LIMCH1: variants seen among roughly 807,000 people sequenced by gnomAD.
The protein encoded by LIMCH1 is LIM and calponin homology domains 1.
In LIMCH1, 113 loss-of-function variants were observed where a neutral mutation model predicts 176.5. The ratio of observed to expected loss-of-function variants is 0.64; its 90% CI spans 0.55 to 0.75. The LOEUF is 0.75. Ranked by LOEUF, LIMCH1 falls within the 30% of genes least tolerant of loss-of-function variation. LIMCH1 has a pLI of 0.00. For missense variants in LIMCH1, 1,674 were observed against 1,814.9 expected (o/e 0.92, Z 1.41); for synonymous variants, 619 against 645.9 (o/e 0.96, Z 0.63).
chr4:41,459,287 C>T (rs139581414), intron 1 of LIMCH1, among the ~76,000 whole-genome samples: 1 of 151,982 alleles, frequency 6.6e-6, no homozygotes, highest in East Asian at 1.9e-4. Flanking sequence ...CCTTCCTTCC[C>T]TCCCTCCCTC....
intron 2 of LIMCH1, among the ~76,000 whole-genome samples, chr4:41,516,008 A>G (rs2075545627): frequency 6.6e-6 from 1 of 152,248 alleles, no homozygotes; most frequent in Admixed American, 6.5e-5. Flanking sequence ...TACATAGCAC[A>G]ATGATGATTG....
At chr4:41,645,367 T>C (rs2094013559) in intron 15 of LIMCH1, among the ~76,000 whole-genome samples, 1 of 152,226 alleles carries the variant, frequency 6.6e-6, no homozygotes, top group African/African-American at 2.4e-5. Context: ...GTCTAAAGTA[T>C]CTTGAGCACT....
chr4:41,563,280 A>T (rs1046814240), intron 1 of LIMCH1, among the ~76,000 whole-genome samples: 6 of 152,114 alleles, frequency 3.9e-5, no homozygotes, highest in Non-Finnish European at 7.4e-5. Flanking sequence ...AAGGGGATAT[A>T]TATGGGGGCC....
chr4:41,462,601 A>T (rs1186270815), intron 1 of LIMCH1, among the ~76,000 whole-genome samples: 1 of 152,240 alleles, frequency 6.6e-6, no homozygotes, highest in African/African-American at 2.4e-5. Flanking sequence ...AGCATACGTA[A>T]GTCATCAGTT....
chr4:41,697,310 GA>G lies in LIMCH1; in HGVS notation c.*128del. ...TACCTAATTTCTGAAAGGCTCTTCT[GA>G]AAGGTGGTATCTGTTCTTTCGTAGC... On this transcript the variant is annotated 3_prime_UTR_variant, in exon 32 of 32. Coordinates refer to ENST00000503057, the MANE Select transcript of LIMCH1 (RefSeq NM_001330672.2). 1.2e-6 allele frequency: 1 copy of G among 802,512 alleles called. No homozygotes were observed. Among genetic ancestry groups the G allele is most frequent in the Non-Finnish European group, 2.1e-6 (1 of 470,726 alleles). The allele number at this position is 802,512 out of a possible 1,614,324, so 49.7% of individuals were successfully genotyped here.
chr4:41,501,882 TTTTTA>T (rs1479508544), intron 2 of LIMCH1, among the ~76,000 whole-genome samples: 4,640 of 133,856 alleles, frequency 0.035, 127 homozygotes, highest in Non-Finnish European at 0.056. Flanking sequence ...TTTTTTTTTT[TTTTTA>T]AAAAAAACCT....
intron 2 of LIMCH1, among the ~76,000 whole-genome samples, chr4:41,509,851 A>C (rs930011235): frequency 6.6e-6 from 1 of 152,222 alleles, no homozygotes; most frequent in African/African-American, 2.4e-5. Context: ...GACTCAGCAC[A>C]GTAGGGGTAC....
chr4:41,468,062 A>C, intron 1 of LIMCH1, among the ~76,000 whole-genome samples: 1 of 152,214 alleles, frequency 6.6e-6, no homozygotes, highest in Non-Finnish European at 1.5e-5. Context: ...TCAGTATAGC[A>C]AGCCCACAGA....
intron 14 of LIMCH1, among the ~76,000 whole-genome samples, chr4:41,642,717 C>CCTGG (rs35406120): frequency 0.42 from 62,872 of 148,650 alleles, 13,547 homozygotes; most frequent in South Asian, 0.45. Context: ...TGCTAGCATG[C>CCTGG]CTAATTTTTT....
chr4:41,563,738 T>C (rs1489241958), intron 1 of LIMCH1, among the ~76,000 whole-genome samples: 1 of 152,198 alleles, frequency 6.6e-6, no homozygotes, highest in African/African-American at 2.4e-5. Context: ...CTCTCATTTT[T>C]CCCTACAAAT....
At chr4:41,636,224 T>C (rs1429488583) in intron 13 of LIMCH1, among the ~76,000 whole-genome samples, 1 of 151,938 alleles carries the variant, frequency 6.6e-6, no homozygotes, top group African/African-American at 2.4e-5. Flanking sequence ...AATTAAACTT[T>C]ATTGACTTTT....
chr4:41,574,738 T>G (rs1171610222), intron 1 of LIMCH1, among the ~76,000 whole-genome samples: 2 of 152,188 alleles, frequency 1.3e-5, no homozygotes, highest in East Asian at 3.8e-4. Flanking sequence ...TATTACGCTG[T>G]TTGCTTTTTG....
In LIMCH1 at chr4:41,613,552, C is replaced by T; in HGVS notation, c.96C>T (p.Leu32=). 6.2e-7 allele frequency: 1 copy of T among 1,614,158 alleles called. No homozygotes were observed. ...GGGATTCCGAGCGCAGCGACTCCCTCTCTCCTCCTCGCCACGGCAGAGATG... is the reference window on the plus strand; with the variant it reads ...GGGATTCCGAGCGCAGCGACTCCCTTTCTCCTCCTCGCCACGGCAGAGATG... ...DCWDSERSDS[L]SPPRHGRDDS... Residue 32 remains leucine (L), a synonymous_variant, in exon 5 of 32, where the codon CTC becomes CTT. Coordinates refer to ENST00000503057, the MANE Select transcript of LIMCH1 (RefSeq NM_001330672.2).
chr4:41,527,322 G>T (rs1408622663), intron 3 of LIMCH1, among the ~76,000 whole-genome samples: 1 of 152,194 alleles, frequency 6.6e-6, no homozygotes, highest in African/African-American at 2.4e-5. Flanking sequence ...GCCTGCAAGT[G>T]GTTTCGTATT....
intron 1 of LIMCH1, chr4:41,551,025 G>C (rs922314912): frequency 6.6e-6 from 1 of 152,098 alleles, no homozygotes; most frequent in African/African-American, 2.4e-5. Flanking sequence ...TTAACATCTA[G>C]GTTTAAAAGA....
chr4:41,561,491 G>A (rs2082059090), intron 1 of LIMCH1, among the ~76,000 whole-genome samples: 1 of 152,212 alleles, frequency 6.6e-6, no homozygotes, highest in Non-Finnish European at 1.5e-5. Flanking sequence ...AGAATGTATA[G>A]TCGCTGCTCT....
intron 3 of LIMCH1, among the ~76,000 whole-genome samples, chr4:41,604,615 A>G (rs951333669): frequency 5.3e-5 from 8 of 152,170 alleles, no homozygotes; most frequent in African/African-American, 1.9e-4. Context: ...ATAAAATTTT[A>G]AACAAATCAG....
At chr4:41,595,581 A>G (rs1464527642) in intron 1 of LIMCH1, among the ~76,000 whole-genome samples, 2 of 152,164 alleles carry the variant, frequency 1.3e-5, no homozygotes, top group South Asian at 4.1e-4. Flanking sequence ...TAATCCATGT[A>G]CATCCTCAGA....
intron 17 of LIMCH1, among the ~76,000 whole-genome samples, 172 bp downstream of exon 17, chr4:41,647,065 A>T (rs1341276907): frequency 6.6e-6 from 1 of 152,226 alleles, no homozygotes; most frequent in Non-Finnish European, 1.5e-5. Flanking sequence ...TAAATGCTTC[A>T]GGGACAGCTG....
Sources: gnomAD v4.1 joint callset for allele counts (sites outside exome capture counted in the v4.1 genomes callset) on GRCh38, gnomAD v4.1.1 for gene constraint, MANE v1.5 for transcripts, NCBI Gene and HGNC (gene_info 2026-07-23, HGNC 2026-07-21) for gene names.